Variants in CDH23 observed in about 807,000 individuals in gnomAD.
The protein encoded by CDH23 is cadherin related 23.
In CDH23, 189 loss-of-function variants were observed where a neutral mutation model predicts 317.1. That is an observed-to-expected ratio of 0.60 (90% CI 0.53 to 0.67). CDH23 has a LOEUF of 0.67. Ranked by LOEUF, CDH23 falls within the 30% of genes least tolerant of loss-of-function variation. CDH23 has a pLI of 0.00. For missense variants in CDH23, 4,401 were observed against 4,592.4 expected (o/e 0.96, Z 1.20); for synonymous variants, 1,839 against 1,876.8 (o/e 0.98, Z 0.52).
At chr10:71,642,826 C>A (rs994900350) in intron 11 of CDH23, among the ~76,000 whole-genome samples, 1 of 152,158 alleles carries the variant, frequency 6.6e-6, no homozygotes, top group African/African-American at 2.4e-5. Context: ...GTAGCAGTAA[C>A]ACACAAGGAA....
rs149704197 is a variant in CDH23 at position 71,812,624 on chromosome 10, GTCAGGCA to G, written c.9510+19_9510+25del. The G allele has an allele frequency of 3.7e-3, 6,009 of 1,613,816 alleles. 178 individuals are homozygous for G. The African/African-American group carries it at 0.068, about 18-fold the overall frequency. ...CGCGCACCCATGTGAGCCAGAGGCG[GTCAGGCA>G]TCACAAGGGGCAGGGGTGGAGGGGC... On this transcript the variant is annotated intron_variant, in intron 67 of 69. Transcript: ENST00000224721.
chr10:71,742,515 A>T (rs1839765577), intron 38 of CDH23, among the ~76,000 whole-genome samples: 1 of 152,218 alleles, frequency 6.6e-6, no homozygotes, highest in African/African-American at 2.4e-5. Flanking sequence ...GGCTGGATGG[A>T]GATCTCTAGG....
chr10:71,411,840 T>C (rs1205573082), intron 1 of CDH23, among the ~76,000 whole-genome samples: 1 of 152,216 alleles, frequency 6.6e-6, no homozygotes, highest in Non-Finnish European at 1.5e-5. Flanking sequence ...TTAAACCCTT[T>C]TTCAGTGTGC....
intron 3 of CDH23, among the ~76,000 whole-genome samples, chr10:71,466,481 C>T (rs961856666): frequency 1.3e-5 from 2 of 151,906 alleles, no homozygotes; most frequent in Non-Finnish European, 2.9e-5. Context: ...TGAGTGTGCC[C>T]CACCTCACGG....
intron 14 of CDH23, chr10:71,647,141 A>G (rs776372292): frequency 3.8e-5 from 36 of 955,908 alleles, no homozygotes; most frequent in Non-Finnish European, 4.5e-5. Flanking sequence ...TCAAGCAAAA[A>G]AGGATTGGCT....
At chr10:71,734,175 G>A (rs1589384201) in intron 32 of CDH23, 65 bp from the exon 33 acceptor site, 2 of 1,342,476 alleles carry the variant, frequency 1.5e-6, no homozygotes, top group East Asian at 2.5e-5. Context: ...GGAAAAGTGG[G>A]CAGAATGACC....
intron 9 of CDH23, among the ~76,000 whole-genome samples, chr10:71,608,328 G>GGTGACCAAGTCAGAGGCCACA (rs1860651915): frequency 6.6e-6 from 1 of 152,192 alleles, no homozygotes; most frequent in Non-Finnish European, 1.5e-5. Flanking sequence ...GGCAGGGCCA[G>GGTGACCAAGTCAGAGGCCACA]GTGACCAAGT....
chr10:71,496,836 GA>G (rs1263569280), intron 3 of CDH23, among the ~76,000 whole-genome samples: 8 of 33,598 alleles, frequency 2.4e-4, no homozygotes, highest in African/African-American at 6.7e-4. Flanking sequence ...TGTACAGATG[GA>G]CAGTTGGGAT....
In CDH23 at chr10:71,803,085, C is replaced by T. The variant is rs2132977918; in HGVS notation, c.7660+10C>T. 1 of 1,601,884 alleles carries T rather than the reference C, an allele frequency of 6.2e-7. No homozygotes were observed. The highest frequency in any genetic ancestry group is 8.5e-7 in the Non-Finnish European group (1 of 1,170,694). On this transcript the variant is annotated intron_variant, in intron 54 of 69. Coordinates refer to ENST00000224721, the MANE Select transcript of CDH23 (RefSeq NM_022124.6). The stretch of plus-strand genomic sequence containing the variant: ...GAGGGCCCTGGCGTGGGTATGTGGC[C>T]TTCCTTGGACACCCATGATGTCTTG...
intron 24 of CDH23, 97 bp downstream of exon 24, chr10:71,702,791 G>A (rs564978314): frequency 1.2e-5 from 16 of 1,376,480 alleles, no homozygotes; most frequent in Non-Finnish European, 1.5e-5. Context: ...GCTGGGGCAG[G>A]GGAGGAGCTG....
chr10:71,610,450 T>C, intron 9 of CDH23, among the ~76,000 whole-genome samples: 1 of 152,188 alleles, frequency 6.6e-6, no homozygotes, highest in Admixed American at 6.5e-5. Flanking sequence ...GGCGAATGCT[T>C]GCAGGGAGAG....
Position 71,622,844 on chromosome 10 carries a change from C to G in CDH23, c.1134+5451C>G, listed in dbSNP as rs540553205. ...GATCGGGGTAGGGATTGGGACACCA[C>G]TCTCTTCCCCACCCCAGAGAGGCCT... On this transcript the variant is annotated intron_variant, in intron 11 of 69. Transcript: ENST00000224721. The G allele has an allele frequency of 1.2e-4, 83 of 714,038 alleles. No homozygotes were observed. In the African/African-American group the frequency reaches 1.5e-3, roughly 13 times the overall value. The allele number at this position is 714,038 out of a possible 1,614,324, so 44.2% of individuals were successfully genotyped here. A position where few individuals can be genotyped will look rare whatever the true frequency, so the allele number is the denominator to read the frequency against.
At chr10:71,572,995 C>T (rs1036154151) in intron 8 of CDH23, among the ~76,000 whole-genome samples, 63 of 152,290 alleles carry the variant, frequency 4.1e-4, no homozygotes, top group African/African-American at 1.3e-3. Flanking sequence ...AGAGGAGTCC[C>T]GCACTGCCGT....
intron 11 of CDH23, among the ~76,000 whole-genome samples, chr10:71,638,234 G>C (rs998921171): frequency 3.3e-5 from 5 of 152,206 alleles, no homozygotes; most frequent in African/African-American, 1.2e-4. Flanking sequence ...GACCCAGCCT[G>C]TTCCTCAACG....
At chr10:71,728,365 G>A (rs1042852463) in intron 30 of CDH23, among the ~76,000 whole-genome samples, 2 of 152,068 alleles carry the variant, frequency 1.3e-5, no homozygotes, top group East Asian at 3.9e-4. Context: ...GGGAACCCTA[G>A]AAGCAGCGAT....
intron 2 of CDH23, among the ~76,000 whole-genome samples, chr10:71,445,847 CAA>C (rs34460284): frequency 0.28 from 25,288 of 90,360 alleles, 1,095 homozygotes; most frequent in Middle Eastern, 0.38. Flanking sequence ...GACTCTGTCT[CAA>C]AAAAAAAAAA....
At chr10:71,731,337 T>C (rs1367521186) in intron 31 of CDH23, among the ~76,000 whole-genome samples, 2 of 152,180 alleles carry the variant, frequency 1.3e-5, no homozygotes, top group African/African-American at 4.8e-5. Context: ...CCTCAGATTA[T>C]CTGTGGCATG....
chr10:71,742,083 T>A (rs1026197409), intron 38 of CDH23, 162 bp downstream of exon 38: 2 of 675,622 alleles, frequency 3.0e-6, no homozygotes, highest in Middle Eastern at 4.1e-4. Context: ...CAAGATGGCC[T>A]CCCCTTACGG....
At chr10:71,645,699 C>T (rs1291043599) in intron 12 of CDH23, 132 bp from the exon 13 acceptor site, 2 of 1,007,038 alleles carry the variant, frequency 2.0e-6, no homozygotes, top group Non-Finnish European at 3.1e-6. Context: ...CTGCTCTGTC[C>T]CAGCGCCTCA....
Sources: gnomAD v4.1 joint callset for allele counts (sites outside exome capture counted in the v4.1 genomes callset) on GRCh38, gnomAD v4.1.1 for gene constraint, MANE v1.5 for transcripts, NCBI Gene and HGNC (gene_info 2026-07-23, HGNC 2026-07-21) for gene names.